Variants in ADAM22 observed in about 807,000 individuals in gnomAD.
ADAM22 encodes ADAM metallopeptidase domain 22.
Under a neutral mutation model 144.6 loss-of-function variants are expected in ADAM22, and 65 were observed. The ratio of observed to expected loss-of-function variants is 0.45; its 90% CI spans 0.37 to 0.55. The LOEUF (loss-of-function observed/expected upper bound fraction) is 0.55, where lower values mean the gene tolerates loss of function less well. Among genes scored for constraint, ADAM22 ranks in the 20% least tolerant of loss-of-function variants. The pLI is 0.00. For missense variants in ADAM22, 974 were observed against 1,184.9 expected, an observed-to-expected ratio of 0.82 and a Z score of 2.61; for synonymous variants, 391 against 412.6, an observed-to-expected ratio of 0.95 and a Z score of 0.63.
In ADAM22 at chr7:88,132,952, G is replaced by A; in HGVS notation, c.1077+1G>A. The stretch of plus-strand genomic sequence containing the variant: ...GCTGAAAGGAGGAGGCGTGAATGAA[G>A]TAGGTGTGAACATCTGTACAATACA... On this transcript the variant is annotated splice_donor_variant, in intron 12 of 31. Transcript: ENST00000413139. LOFTEE classifies it high-confidence loss of function. 6.2e-7 allele frequency: 1 copy of A among 1,613,758 alleles called. No homozygotes were observed. The highest frequency in any genetic ancestry group is 8.5e-7 in the Non-Finnish European group (1 of 1,179,708).
intron 3 of ADAM22, among the ~76,000 whole-genome samples, chr7:88,022,991 C>T (rs377003293): frequency 2.6e-5 from 4 of 152,162 alleles, no homozygotes; most frequent in Non-Finnish European, 4.4e-5. Context: ...TTAGATACAT[C>T]GATTCATTAC....
intron 3 of ADAM22, among the ~76,000 whole-genome samples, chr7:88,072,229 A>G (rs576716501): frequency 6.6e-6 from 1 of 152,202 alleles, no homozygotes; most frequent in South Asian, 2.1e-4. Flanking sequence ...TAGAGGCTTG[A>G]TTGAAATAGC....
At chr7:87,975,148 T>C (rs1851603027) in intron 2 of ADAM22, among the ~76,000 whole-genome samples, 1 of 152,190 alleles carries the variant, frequency 6.6e-6, no homozygotes, top group African/African-American at 2.4e-5. Context: ...TAGTTATTAA[T>C]GTTGTTACCT....
chr7:88,164,522 A>G (rs1308809837), intron 23 of ADAM22, among the ~76,000 whole-genome samples: 3 of 152,052 alleles, frequency 2.0e-5, no homozygotes, highest in Non-Finnish European at 4.4e-5. Context: ...TTTTTGTACT[A>G]TATATCATGT....
At chr7:88,020,125 C>T (rs546271557) in intron 3 of ADAM22, among the ~76,000 whole-genome samples, 2 of 152,220 alleles carry the variant, frequency 1.3e-5, no homozygotes, top group East Asian at 3.9e-4. Flanking sequence ...CTGTGACCTA[C>T]TGCATTCTCA....
At chr7:88,033,541 C>T (rs1179795458) in intron 3 of ADAM22, among the ~76,000 whole-genome samples, 2 of 152,194 alleles carry the variant, frequency 1.3e-5, no homozygotes, top group Non-Finnish European at 2.9e-5. Context: ...CAGTGGTGAC[C>T]ACTGCCTTGC....
intron 30 of ADAM22, among the ~76,000 whole-genome samples, chr7:88,189,918 T>A (rs1248454216): frequency 6.6e-6 from 1 of 152,046 alleles, no homozygotes; most frequent in Non-Finnish European, 1.5e-5. Context: ...TACTCCAGCC[T>A]GGCGACAGAG....
At chr7:87,966,311 C>A (rs1213190216) in intron 2 of ADAM22, among the ~76,000 whole-genome samples, 1 of 152,174 alleles carries the variant, frequency 6.6e-6, no homozygotes, top group Non-Finnish European at 1.5e-5. Context: ...TAGCTCGATA[C>A]AACTATACTA....
chr7:88,015,340 A>G (rs1796324973), intron 3 of ADAM22, among the ~76,000 whole-genome samples: 1 of 152,192 alleles, frequency 6.6e-6, no homozygotes, highest in Admixed American at 6.5e-5. Context: ...ATGCTTAAAT[A>G]ATTACCCCAC....
intron 2 of ADAM22, among the ~76,000 whole-genome samples, chr7:87,943,008 C>T (rs1184344183): frequency 4.0e-5 from 6 of 151,814 alleles, no homozygotes; most frequent in African/African-American, 1.5e-4. Context: ...AAAATGATAG[C>T]TTCTGAAAAC....
chr7:88,167,208 A>G (rs1249108977), intron 24 of ADAM22, among the ~76,000 whole-genome samples: 1 of 152,162 alleles, frequency 6.6e-6, no homozygotes, highest in African/African-American at 2.4e-5. Context: ...GCTACTCTGG[A>G]TGAAAGCTCT....
At chr7:88,041,021 G>A (rs1230154351) in intron 3 of ADAM22, among the ~76,000 whole-genome samples, 2 of 152,040 alleles carry the variant, frequency 1.3e-5, no homozygotes, top group East Asian at 3.8e-4. Context: ...CAGGCTAGCA[G>A]GAGAGCTTTT....
chr7:87,985,302 G>A lies in ADAM22; in HGVS notation c.323+6890G>A, dbSNP rs188268560. ...CACTTCATCCTGGGCGACAGAGTGA[G>A]ACTCCATCTCAAAAAAAAAAAAAGA... On this transcript the variant is annotated intron_variant, in intron 3 of 31. Transcript: ENST00000413139. 1.1e-3 allele frequency among the ~76,000 whole-genome samples: 166 copies of A among 148,536 alleles called. 1 individual carries two copies. The highest frequency in any genetic ancestry group is 3.8e-3 in the African/African-American group (154 of 40,192).
intron 2 of ADAM22, among the ~76,000 whole-genome samples, chr7:87,958,141 A>T (rs1342456537): frequency 2.6e-5 from 4 of 152,148 alleles, no homozygotes; most frequent in Admixed American, 1.3e-4. Context: ...TTTCGCTGTT[A>T]TAAGCAGTAT....
chr7:88,036,806 A>G (rs923985476), intron 3 of ADAM22, among the ~76,000 whole-genome samples: 4 of 152,050 alleles, frequency 2.6e-5, no homozygotes, highest in Admixed American at 6.5e-5. Flanking sequence ...AAACAGAAAT[A>G]AAAAGAAAAA....
At position 88,070,841 on chromosome 7, in the gene ADAM22, T is replaced by G. The variant is rs543318202; in HGVS notation, c.324-4785T>G. 2.6e-5 allele frequency among the ~76,000 whole-genome samples: 4 copies of G among 152,262 alleles called. No individual in the cohort carries two copies. In the South Asian group the frequency reaches 8.3e-4, roughly 32 times the overall value. On this transcript the variant is annotated intron_variant, in intron 3 of 31. Transcript: ENST00000413139. Reference sequence around the variant, plus strand: ...AAAGATGAGGTAGTCTTGTTTTCATTTTTCCAGTGAATACAGAAGTGAGAT... The same window carrying G: ...AAAGATGAGGTAGTCTTGTTTTCATGTTTCCAGTGAATACAGAAGTGAGAT...
At chr7:88,029,305 A>T (rs2129469147) in intron 3 of ADAM22, among the ~76,000 whole-genome samples, 1 of 152,232 alleles carries the variant, frequency 6.6e-6, no homozygotes, top group South Asian at 2.1e-4. Flanking sequence ...CCACTATTTT[A>T]AACTGATGCC....
chr7:88,009,633 G>A (rs982437673), intron 3 of ADAM22, among the ~76,000 whole-genome samples: 1 of 151,930 alleles, frequency 6.6e-6, no homozygotes, highest in African/African-American at 2.4e-5. Flanking sequence ...TTTTATTTTT[G>A]ACAGGAGTGC....
chr7:87,934,624 A>G, intron 1 of ADAM22, 74 bp downstream of exon 1: 1 of 1,366,980 alleles, frequency 7.3e-7, no homozygotes, highest in East Asian at 2.5e-5. Context: ...GGCGTATTGA[A>G]AAGGGGGCAT....
Sources: allele counts gnomAD v4.1 joint callset (sites outside exome capture counted in the v4.1 genomes callset), GRCh38; gene constraint gnomAD v4.1.1; transcripts MANE v1.5; gene names NCBI Gene and HGNC (gene_info 2026-07-23, HGNC 2026-07-21).